WDFY4: variants seen among roughly 807,000 people sequenced by gnomAD.
WDFY4 encodes WDFY family member 4, also known as WD repeat- and FYVE domain-containing protein 4.
A neutral mutation model predicts 351.9 loss-of-function variants in WDFY4; 169 were observed. The ratio of observed to expected loss-of-function variants is 0.48; its 90% CI spans 0.42 to 0.55. The LOEUF is 0.55. WDFY4 is among the 20% of genes least tolerant of loss of function. The pLI is 0.00. For missense variants in WDFY4, 3,803 were observed against 3,935.6 expected (o/e 0.97, Z 0.90); for synonymous variants, 1,622 against 1,574.6 (o/e 1.03, Z -0.71).
intron 28 of WDFY4, 140 bp from the exon 29 acceptor site, chr10:48,810,390 T>G (rs2067406590): frequency 2.7e-6 from 2 of 737,942 alleles, no homozygotes; most frequent in African/African-American, 1.8e-5. Context: ...ACTATTCTTT[T>G]TAAATGTAAT....
rs547815287 is a variant in WDFY4, at chr10:48,796,905, A to G, written c.4410+455A>G. On this transcript the variant is annotated intron_variant, in intron 24 of 61. Coordinates refer to ENST00000325239, the MANE Select transcript of WDFY4 (RefSeq NM_001394531.1). ...CGCCTGAGGCTGAGGAGCATCGCAC[A>G]CAACTGCTGTGGGTGGATCAACCCA... is the stretch of plus-strand genomic sequence containing the variant. 1.4e-3 allele frequency among the ~76,000 whole-genome samples: 216 copies of G among 152,330 alleles called. 1 individual carries two copies. The highest frequency in any genetic ancestry group is 3.4e-3 in the Middle Eastern group (1 of 294).
intron 39 of WDFY4, among the ~76,000 whole-genome samples, chr10:48,850,195 A>G (rs2068910568): frequency 6.6e-6 from 1 of 152,194 alleles, no homozygotes; most frequent in African/African-American, 2.4e-5. Flanking sequence ...TCCACACTTG[A>G]TACTTTGGAA....
chr10:48,763,518 A>C (rs1208930553), intron 13 of WDFY4, among the ~76,000 whole-genome samples: 1 of 152,362 alleles, frequency 6.6e-6, no homozygotes, highest in East Asian at 1.9e-4. Flanking sequence ...TTGCTGATGG[A>C]TGTATTCTGC....
intron 47 of WDFY4, chr10:48,913,866 CT>C (rs753993601): frequency 6.8e-6 from 11 of 1,614,098 alleles, no homozygotes; most frequent in Non-Finnish European, 8.5e-6. Flanking sequence ...GTAGAGCAGG[CT>C]GGTCATCTGG....
chr10:48,946,818 G>A, intron 50 of WDFY4, 42 bp from the exon 51 acceptor site: 1 of 1,430,046 alleles, frequency 7.0e-7, no homozygotes, highest in Non-Finnish European at 9.6e-7. Flanking sequence ...ACGTGTGAGT[G>A]CAGGTAAGGA....
At position 48,739,408 on chromosome 10, in the gene WDFY4, C is replaced by T. The variant is rs1202127830; in HGVS notation, c.1878+3338C>T. Among the ~76,000 whole-genome samples the T allele has an allele frequency of 3.9e-5, 6 of 152,304 alleles. No individual in the cohort carries two copies. The East Asian group carries it at 5.8e-4, about 15-fold the overall frequency. The stretch of plus-strand genomic sequence containing the variant: ...TCAGCTGATTAAATTTACTCCCCTC[C>T]GCAGACTGAAAACCCTATGTGATGC... On this transcript the variant is annotated intron_variant, in intron 11 of 61. Transcript: ENST00000325239.
chr10:48,760,280 A>C, intron 12 of WDFY4, 67 bp from the exon 13 acceptor site: 2 of 1,369,800 alleles, frequency 1.5e-6, no homozygotes, highest in Non-Finnish European at 2.0e-6. Context: ...AGATCCAGGA[A>C]GCTCAGTGAA....
At position 48,701,536 on chromosome 10, in the gene WDFY4, A is replaced by T. The variant is rs1047952944; in HGVS notation, c.-17-8180A>T. ...GATGCAAAAGTGGATGAGAACTTAAAGGACAGTCTCCCCACTTGACCAACG... is the reference window on the plus strand; with the variant it reads ...GATGCAAAAGTGGATGAGAACTTAATGGACAGTCTCCCCACTTGACCAACG... On this transcript the variant is annotated intron_variant, in intron 1 of 61. Coordinates refer to ENST00000325239, the MANE Select transcript of WDFY4 (RefSeq NM_001394531.1). Among the ~76,000 whole-genome samples the T allele has an allele frequency of 9.2e-5, 14 of 152,248 alleles. No individual in the cohort carries two copies. The East Asian group carries it at 2.5e-3, about 27-fold the overall frequency.
chr10:48,820,695 A>G (rs1442726388), intron 33 of WDFY4, among the ~76,000 whole-genome samples: 1 of 152,110 alleles, frequency 6.6e-6, no homozygotes, highest in African/African-American at 2.4e-5. Context: ...TCTCAGGAGA[A>G]GCAGGGAGGG....
intron 51 of WDFY4, among the ~76,000 whole-genome samples, chr10:48,953,343 A>T (rs1489344244): frequency 1.3e-5 from 2 of 148,734 alleles, no homozygotes; most frequent in Non-Finnish European, 3.0e-5. Flanking sequence ...TCACACACAC[A>T]CACACACACA....
Position 48,886,371 on chromosome 10 carries a change from C to A in WDFY4, c.7168-4208C>A, listed in dbSNP as rs928764760. ...TATGGTTTGAATGTCCCCCAAAATT[C>A]TTGTGTTGGAAACTTAATTGCCATT... is the stretch of plus-strand genomic sequence containing the variant. On this transcript the variant is annotated intron_variant, in intron 43 of 61. Coordinates refer to ENST00000325239, the MANE Select transcript of WDFY4 (RefSeq NM_001394531.1). Among the ~76,000 whole-genome samples the A allele has an allele frequency of 2.6e-5, 4 of 152,106 alleles. No individual in the cohort carries two copies. The East Asian group carries it at 5.8e-4, about 22-fold the overall frequency.
intron 23 of WDFY4, among the ~76,000 whole-genome samples, chr10:48,792,708 A>C (rs1374935936): frequency 6.6e-6 from 1 of 152,208 alleles, no homozygotes; most frequent in Non-Finnish European, 1.5e-5. Flanking sequence ...GAACCAAAAT[A>C]ATTTTAATAT....
chr10:48,695,833 T>C (rs749649249), intron 1 of WDFY4, among the ~76,000 whole-genome samples: 3 of 152,096 alleles, frequency 2.0e-5, no homozygotes, highest in Non-Finnish European at 2.9e-5. Flanking sequence ...CTGGCCATTT[T>C]TGGCAATGTG....
chr10:48,824,300 A>G, intron 35 of WDFY4: 1 of 557,562 alleles, frequency 1.8e-6, no homozygotes, highest in Non-Finnish European at 2.3e-6. Flanking sequence ...TGGTGTTTTT[A>G]TGACAAACAG....
chr10:48,835,451 G>A lies in WDFY4; in HGVS notation c.6663+2742G>A, dbSNP rs1057000597. Among the ~76,000 whole-genome samples the A allele has an allele frequency of 3.3e-5, 5 of 152,178 alleles. No individual in the cohort carries two copies. In the East Asian group the frequency reaches 9.6e-4, roughly 29 times the overall value. ...TGGCACTGAGGTGCATGTGTGCTGGGCAGCAAAGGCCAGTGTGGCTGAACT... is the reference window on the plus strand; with the variant it reads ...TGGCACTGAGGTGCATGTGTGCTGGACAGCAAAGGCCAGTGTGGCTGAACT... On this transcript the variant is annotated intron_variant, in intron 39 of 61. Coordinates refer to ENST00000325239, the MANE Select transcript of WDFY4 (RefSeq NM_001394531.1).
At chr10:48,941,256 C>T (rs1840741904) in intron 47 of WDFY4, among the ~76,000 whole-genome samples, 1 of 152,056 alleles carries the variant, frequency 6.6e-6, no homozygotes, top group South Asian at 2.1e-4. Flanking sequence ...GATGTGATCC[C>T]ATGTATGATT....
At chr10:48,919,284 C>T (rs1838837505) in intron 47 of WDFY4, among the ~76,000 whole-genome samples, 1 of 151,708 alleles carries the variant, frequency 6.6e-6, no homozygotes, top group African/African-American at 2.4e-5. Flanking sequence ...ACAAACAACT[C>T]TAAAAAAAAG....
rs1366542702 is a variant in WDFY4 at position 48,788,682 on chromosome 10, C to A, written c.3954+7C>A. ...CCGCCTGATCGCCAAAGAGGTACAT[C>A]TTCTAACTTCGCTGCTAATCTCTGT... On this transcript the variant is annotated splice_region_variant and intron_variant, in intron 21 of 61. Coordinates refer to ENST00000325239, the MANE Select transcript of WDFY4 (RefSeq NM_001394531.1). The A allele has an allele frequency of 1.2e-5, 18 of 1,551,220 alleles. No homozygotes were observed. Among genetic ancestry groups the A allele is most frequent in the Non-Finnish European group, 1.6e-5 (18 of 1,146,624 alleles).
chr10:48,947,125 G>A (rs1405650617), intron 51 of WDFY4, among the ~76,000 whole-genome samples, 156 bp downstream of exon 51: 1 of 152,150 alleles, frequency 6.6e-6, no homozygotes, highest in Non-Finnish European at 1.5e-5. Context: ...TTGGCTCCAG[G>A]ATTCTGGCTC....
Sources: gnomAD v4.1 joint callset for allele counts (sites outside exome capture counted in the v4.1 genomes callset) on GRCh38, gnomAD v4.1.1 for gene constraint, MANE v1.5 for transcripts, NCBI Gene and HGNC (gene_info 2026-07-23, HGNC 2026-07-21) for gene names.